The following NSMCE2 variants were observed in gnomAD, a reference collection of about 807,000 sequenced individuals.
NSMCE2 encodes the protein E3 SUMO-protein ligase NSE2.
Under a neutral mutation model 23.8 loss-of-function variants are expected in NSMCE2, and 24 were observed. The ratio of observed to expected loss-of-function variants is 1.01; its 90% CI spans 0.73 to 1.42. The LOEUF is 1.42. NSMCE2 is among the 40% of genes most tolerant of loss of function. The pLI, the probability that NSMCE2 is intolerant of heterozygous loss-of-function variation, is 0.00. For synonymous variants in NSMCE2, 92 were observed against 94.1 expected, an observed-to-expected ratio of 0.98 and a Z score of 0.13; for missense variants, 284 against 296.5, an observed-to-expected ratio of 0.96 and a Z score of 0.31.
intron 5 of NSMCE2, among the ~76,000 whole-genome samples, chr8:125,325,101 TATTA>T (rs373821452): frequency 1.3e-5 from 2 of 152,240 alleles, no homozygotes; most frequent in East Asian, 1.9e-4. Flanking sequence ...GTTAATTATA[TATTA>T]ATTATGCCTC....
intron 5 of NSMCE2, among the ~76,000 whole-genome samples, chr8:125,247,467 A>G (rs961467451): frequency 5.3e-5 from 8 of 152,148 alleles, no homozygotes; most frequent in Non-Finnish European, 7.4e-5. Context: ...GCTCACGCCT[A>G]TAATCCCAGC....
rs1334035827 is a variant in NSMCE2, at chr8:125,130,336, A to G, written c.158-20835A>G. 3.6e-5 allele frequency: 16 copies of G among 449,396 alleles called. No homozygotes were observed. In the Admixed American group the frequency reaches 3.9e-4, roughly 11 times the overall value. The allele number at this position is 449,396 out of a possible 1,614,324, so 27.8% of individuals were successfully genotyped here. Reference sequence around the variant, plus strand: ...TCACCTGGCCCTAGTAGTGTTTGTCAAGTTTCTTTACTGGAAAGGTACTTT... The same window carrying G: ...TCACCTGGCCCTAGTAGTGTTTGTCGAGTTTCTTTACTGGAAAGGTACTTT... On this transcript the variant is annotated intron_variant, in intron 3 of 7. Transcript: ENST00000287437.
At chr8:125,277,362 C>T (rs1465499942) in intron 5 of NSMCE2, among the ~76,000 whole-genome samples, 1 of 152,064 alleles carries the variant, frequency 6.6e-6, no homozygotes, top group Non-Finnish European at 1.5e-5. Context: ...ACTAGAGGCA[C>T]AATGACTAAA....
intron 1 of NSMCE2, among the ~76,000 whole-genome samples, chr8:125,099,064 A>C (rs555030400): frequency 6.6e-6 from 1 of 152,272 alleles, no homozygotes; most frequent in African/African-American, 2.4e-5. Context: ...AATGGCCACT[A>C]ATGTGCCATG....
At chr8:125,250,930 C>G (rs1273375907) in intron 5 of NSMCE2, among the ~76,000 whole-genome samples, 2 of 152,178 alleles carry the variant, frequency 1.3e-5, no homozygotes, top group African/African-American at 4.8e-5. Context: ...CCTACATTCA[C>G]TAAATCTTTA....
chr8:125,347,918 A>C (rs1812847632), intron 5 of NSMCE2, among the ~76,000 whole-genome samples: 1 of 152,356 alleles, frequency 6.6e-6, no homozygotes, highest in South Asian at 2.1e-4. Context: ...AAATGCTTAC[A>C]TTTAAGGGGG....
intron 3 of NSMCE2, among the ~76,000 whole-genome samples, chr8:125,123,706 A>G (rs1005713446): frequency 1.3e-5 from 2 of 152,250 alleles, no homozygotes; most frequent in African/African-American, 4.8e-5. Context: ...AACATTAAGT[A>G]AAGAATCCCT....
chr8:125,171,871 C>G (rs1822230664), intron 4 of NSMCE2, among the ~76,000 whole-genome samples: 1 of 152,138 alleles, frequency 6.6e-6, no homozygotes, highest in African/African-American at 2.4e-5. Context: ...TCTGCTCTGT[C>G]CAGAGTGGTG....
intron 1 of NSMCE2, among the ~76,000 whole-genome samples, chr8:125,094,041 C>G (rs751127509): frequency 6.6e-6 from 1 of 151,540 alleles, no homozygotes. Flanking sequence ...TGGCCTCAAG[C>G]AATCTTCCTG....
intron 5 of NSMCE2, among the ~76,000 whole-genome samples, chr8:125,227,033 C>T (rs987457134): frequency 1.3e-5 from 2 of 152,144 alleles, no homozygotes. Context: ...GCCACATTCA[C>T]AGCCATGTCT....
chr8:125,262,905 TTTGACC>T (rs1826756524), intron 5 of NSMCE2, among the ~76,000 whole-genome samples: 1 of 135,208 alleles, frequency 7.4e-6, no homozygotes, highest in East Asian at 2.1e-4. Flanking sequence ...TGGCAGTGGT[TTTGACC>T]ATTTCAGTGC....
At position 125,315,150 on chromosome 8, in the gene NSMCE2, T is replaced by G. The variant is rs1418553026; in HGVS notation, c.419-42069T>G. ...TTTTCTTTTCATGTGTGTTTGTGTG[T>G]TAGGAACAGAGAGAGGAGTTACAGG... On this transcript the variant is annotated intron_variant, in intron 5 of 7. Coordinates refer to ENST00000287437, the MANE Select transcript of NSMCE2 (RefSeq NM_173685.4). 3.3e-5 allele frequency among the ~76,000 whole-genome samples: 5 copies of G among 152,096 alleles called. No homozygotes were observed. The East Asian group carries it at 9.6e-4, about 29-fold the overall frequency.
chr8:125,102,178 A>G (rs1218066057), intron 2 of NSMCE2, 32 bp downstream of exon 2: 24 of 630,644 alleles, frequency 3.8e-5, no homozygotes, highest in Non-Finnish European at 2.2e-5. Context: ...TGTCTTCTCT[A>G]TAGGATATAC....
At chr8:125,273,225 A>T (rs1475314164) in intron 5 of NSMCE2, among the ~76,000 whole-genome samples, 1 of 152,236 alleles carries the variant, frequency 6.6e-6, no homozygotes, top group Non-Finnish European at 1.5e-5. Context: ...TTTGGTATTG[A>T]GTCAACCAGA....
chr8:125,245,408 CTT>C (rs943306609), intron 5 of NSMCE2, among the ~76,000 whole-genome samples: 12 of 152,064 alleles, frequency 7.9e-5, no homozygotes, highest in African/African-American at 1.7e-4. Context: ...AAAAAAGAAA[CTT>C]ATCTATAACA....
chr8:125,326,640 A>T (rs896858201), intron 5 of NSMCE2, among the ~76,000 whole-genome samples: 1 of 148,240 alleles, frequency 6.7e-6, no homozygotes, highest in African/African-American at 2.4e-5. Context: ...TTATAAGTTT[A>T]AAAAAAAGAT....
intron 5 of NSMCE2, among the ~76,000 whole-genome samples, chr8:125,296,799 G>T (rs1265506734): frequency 6.6e-6 from 1 of 152,138 alleles, no homozygotes; most frequent in African/African-American, 2.4e-5. Context: ...CAAACTCAAG[G>T]CTGGGCATTC....
At chr8:125,363,799 T>C (rs1813670623) in intron 7 of NSMCE2, among the ~76,000 whole-genome samples, 1 of 152,138 alleles carries the variant, frequency 6.6e-6, no homozygotes. Flanking sequence ...AAAACATTTC[T>C]CCAGCCTTGC....
intron 7 of NSMCE2, among the ~76,000 whole-genome samples, chr8:125,358,917 T>C (rs760454057): frequency 6.6e-6 from 1 of 152,176 alleles, no homozygotes; most frequent in Non-Finnish European, 1.5e-5. Context: ...GGTTGCAAAA[T>C]GTAGACATTC....
Sources: gnomAD v4.1 joint callset for allele counts (sites outside exome capture counted in the v4.1 genomes callset) on GRCh38, gnomAD v4.1.1 for gene constraint, MANE v1.5 for transcripts, NCBI Gene and HGNC (gene_info 2026-07-23, HGNC 2026-07-21) for gene names.